TNFRSF14: variants seen among roughly 807,000 people sequenced by gnomAD.
TNFRSF14 encodes tumor necrosis factor receptor superfamily member 14.
Under a neutral mutation model 34.1 loss-of-function variants are expected in TNFRSF14, and 18 were observed. The ratio of observed to expected loss-of-function variants is 0.53; its 90% CI spans 0.36 to 0.78. TNFRSF14 has a LOEUF of 0.78. Ranked by LOEUF, TNFRSF14 falls within the 30% of genes least tolerant of loss-of-function variation. The pLI is 0.00. For missense variants in TNFRSF14, 352 were observed against 379.5 expected (o/e 0.93, Z 0.60); for synonymous variants, 157 against 153.2 (o/e 1.02, Z -0.18).
At position 2,563,480 on chromosome 1, in the gene TNFRSF14, C is replaced by T. The variant is rs1177198711; in HGVS notation, c.*207C>T. The T allele has an allele frequency of 2.7e-6, 2 of 737,526 alleles. No individual in the cohort carries two copies. The highest frequency in any genetic ancestry group is 4.0e-4 in the Middle Eastern group (1 of 2,502). 45.7% of individuals were successfully genotyped at this position (737,526 alleles called of 1,614,324 possible). The stretch of plus-strand genomic sequence containing the variant: ...GCCATTCCCATGGGCCAGTGAGGGC[C>T]TGGGGCCTCTGTTCTGCTGTGGCCT... On this transcript the variant is annotated 3_prime_UTR_variant, in exon 8 of 8. Transcript: ENST00000355716.
chr1:2,562,543 C>G (rs555374557), intron 6 of TNFRSF14: 19 of 517,888 alleles, frequency 3.7e-5, no homozygotes, highest in African/African-American at 3.3e-4. Flanking sequence ...TGGGCAGGGC[C>G]TCTCCACTGT....
At position 2,558,425 on chromosome 1, in the gene TNFRSF14, C is replaced by T; in HGVS notation, c.261C>T (p.Leu87=). Reference sequence around the variant, plus strand: ...CTCCAGGCACCTACATTGCCCACCTCAATGGCCTAAGCAAGTGTCTGCAGT... The same window carrying T: ...CTCCAGGCACCTACATTGCCCACCTTAATGGCCTAAGCAAGTGTCTGCAGT... ...PCPPGTYIAH[L]NGLSKCLQCQ... is the part of the protein sequence containing the mutation. Residue 87 remains leucine, a synonymous_variant, in exon 3 of 8, where the codon CTC becomes CTT. Transcript: ENST00000355716. The T allele has an allele frequency of 6.8e-6, 11 of 1,613,484 alleles. No individual in the cohort carries two copies. Among genetic ancestry groups the T allele is most frequent in the Non-Finnish European group, 8.5e-6 (10 of 1,179,872 alleles).
In TNFRSF14 at chr1:2,557,661, G is replaced by A. The variant is rs1268990664; in HGVS notation, c.70-65G>A. On this transcript the variant is annotated intron_variant, in intron 1 of 7. Coordinates refer to ENST00000355716, the MANE Select transcript of TNFRSF14 (RefSeq NM_003820.4). ...CACAGAGGGAGATTCAGGCTGTGGGGCCAAGCCTGGCAGAGCCCACAGGGC... is the reference window on the plus strand; with the variant it reads ...CACAGAGGGAGATTCAGGCTGTGGGACCAAGCCTGGCAGAGCCCACAGGGC... 7.0e-6 allele frequency: 9 copies of A among 1,288,152 alleles called. No homozygotes were observed. The Admixed American group carries it at 1.9e-4, about 27-fold the overall frequency. 79.8% of individuals were successfully genotyped at this position (1,288,152 alleles called of 1,614,324 possible).
intron 3 of TNFRSF14, 29 bp from the exon 4 acceptor site, chr1:2,559,794 C>T: frequency 1.3e-6 from 2 of 1,595,932 alleles, no homozygotes; most frequent in Non-Finnish European, 1.7e-6. Flanking sequence ...CTCCACGTAC[C>T]CCTCTCAGCC....
chr1:2,555,689 C>T (rs1295844763), upstream of TNFRSF14: 1 of 152,582 alleles, frequency 6.6e-6, no homozygotes, highest in East Asian at 1.9e-4. This position sits in a 1 kb window ranked among gnomAD's most constrained non-coding sequence, Gnocchi z 6.3. Context: ...ACCTGGGCTT[C>T]CATTGACTGC....
chr1:2,560,502 C>T, intron 4 of TNFRSF14, 122 bp from the exon 5 acceptor site: 1 of 682,526 alleles, frequency 1.5e-6, no homozygotes, highest in East Asian at 2.7e-5. Flanking sequence ...CCCCTCCCCG[C>T]TGGTCCTCCC....
chr1:2,560,701 C>T lies in TNFRSF14; in HGVS notation c.538C>T (p.Gln180Ter). Residue 180 changes from glutamine to a stop codon, truncating the protein, a stop_gained, in exon 5 of 8, where the codon CAG (glutamine) becomes TAG (stop). Coordinates refer to ENST00000355716, the MANE Select transcript of TNFRSF14 (RefSeq NM_003820.4). LOFTEE classifies it high-confidence loss of function. ...TCCCAATGGGACCCTGGAGGAATGTCAGCACCAGACCAAGTAAGTGAACCC... is the reference window on the plus strand; with the variant it reads ...TCCCAATGGGACCCTGGAGGAATGTTAGCACCAGACCAAGTAAGTGAACCC... The part of the protein sequence containing the change: ...FSPNGTLEEC[Q>*]HQTKCSWLVT... 4 of 1,613,392 alleles carry T rather than the reference C, an allele frequency of 2.5e-6. No homozygotes were observed. The highest frequency in any genetic ancestry group is 3.4e-6 in the Non-Finnish European group (4 of 1,179,920).
intron 6 of TNFRSF14, chr1:2,562,558 C>A (rs1222493687): frequency 1.8e-6 from 1 of 552,888 alleles, no homozygotes; most frequent in Admixed American, 3.3e-5. Context: ...CACTGTGAAG[C>A]GCTTGTTCCC....
At chr1:2,562,592 A>T in intron 6 of TNFRSF14, 1 of 586,864 alleles carries the variant, frequency 1.7e-6, no homozygotes, top group Non-Finnish European at 3.0e-6. Context: ...CGGTTGAATT[A>T]GGGTTAGTTA....
chr1:2,559,334 C>T (rs748684154), intron 3 of TNFRSF14: 1 of 1,371,696 alleles, frequency 7.3e-7, no homozygotes, highest in South Asian at 1.2e-5. Context: ...GGTGAGGCTG[C>T]CCTCAGGAGG....
chr1:2,556,148 C>A (rs753161842), upstream of TNFRSF14: 1 of 387,332 alleles, frequency 2.6e-6, no homozygotes, highest in African/African-American at 2.1e-5. Context: ...GGAAGTTTAC[C>A]CTGTTCAGCA....
upstream of TNFRSF14, chr1:2,556,296 C>T (rs1224387370): frequency 1.8e-6 from 1 of 571,160 alleles, no homozygotes; most frequent in Non-Finnish European, 3.3e-6. Flanking sequence ...GGGGGCTCCC[C>T]CTTCTACAGG....
At chr1:2,562,688 T>G (rs1644328054) in intron 6 of TNFRSF14, 177 bp from the exon 7 acceptor site, 2 of 823,956 alleles carry the variant, frequency 2.4e-6, no homozygotes, top group Non-Finnish European at 4.1e-6. Flanking sequence ...CAGGCTGGGC[T>G]AGCAGTCCCA....
rs745317372 is a variant in TNFRSF14, at chr1:2,558,844, G to C, written c.304+376G>C. 3.0e-6 allele frequency: 4 copies of C among 1,324,090 alleles called. No individual in the cohort carries two copies. The South Asian group carries it at 5.6e-5, about 19-fold the overall frequency. 82.0% of individuals were successfully genotyped at this position (1,324,090 alleles called of 1,614,324 possible). On this transcript the variant is annotated intron_variant, in intron 3 of 7. Coordinates refer to ENST00000355716, the MANE Select transcript of TNFRSF14 (RefSeq NM_003820.4). ...TCTCCGGCCGGCACTCGGGCCTGCT[G>C]CTTCCCCACAGGGCTTCTTGTCCCT... is the stretch of plus-strand genomic sequence containing the variant.
At chr1:2,558,646 C>T in intron 3 of TNFRSF14, 178 bp downstream of exon 3, 2 of 1,267,082 alleles carry the variant, frequency 1.6e-6, no homozygotes, top group Non-Finnish European at 2.2e-6. Flanking sequence ...AGCCTCCGGC[C>T]CCCGTCCACC....
At chr1:2,557,041 G>A in intron 1 of TNFRSF14, 1 of 393,994 alleles carries the variant, frequency 2.5e-6, no homozygotes, top group Non-Finnish European at 4.6e-6. Context: ...TGGGGGCTGG[G>A]TGTCTCTGGG....
At chr1:2,560,458 G>C in intron 4 of TNFRSF14, 166 bp from the exon 5 acceptor site, 1 of 596,078 alleles carries the variant, frequency 1.7e-6, no homozygotes, top group Non-Finnish European at 3.0e-6. Flanking sequence ...CACCACCCCA[G>C]GCCCCACCTC....
Position 2,560,695 on chromosome 1 carries a change from G to A in TNFRSF14, c.532G>A (p.Glu178Lys), listed in dbSNP as rs778111546. The change falls in exon 5 of 8, where the codon GAA becomes AAA. Residue 178 changes from glutamate (E) to lysine (K), a missense_variant. By Grantham distance (56) the Glu-to-Lys change is moderately conservative (BLOSUM62 1). Transcript: ENST00000355716. ...GTFSPNGTLE[E>K]CQHQTKCSWL... ...CTTCTCTCCCAATGGGACCCTGGAG[G>A]AATGTCAGCACCAGACCAAGTAAGT... 2.3e-5 allele frequency: 37 copies of A among 1,613,330 alleles called. No individual in the cohort carries two copies. In the South Asian group the frequency reaches 4.0e-4, roughly 17 times the overall value.
Position 2,561,445 on chromosome 1 carries a change from T to C in TNFRSF14, c.552-228T>C. ...CTGCCGTCCTGTCTCCTTTGCCCAG[T>C]CTCTCCTTGTTTCTCTTCTCCTCCT... On this transcript the variant is annotated intron_variant, in intron 5 of 7. Transcript: ENST00000355716. This position sits in a 1 kb window ranked among gnomAD's most constrained non-coding sequence, Gnocchi z 6.0. 6.8e-7 allele frequency: 1 copy of C among 1,471,816 alleles called. No homozygotes were observed. The highest frequency in any genetic ancestry group is 2.5e-5 in the Admixed American group (1 of 40,730). The allele number at this position is 1,471,816 out of a possible 1,614,324, so 91.2% of individuals were successfully genotyped here.
Sources: allele counts gnomAD v4.1 joint callset, GRCh38; gene constraint gnomAD v4.1.1; non-coding constraint Gnocchi (gnomAD v3.1); transcripts MANE v1.5; gene names NCBI Gene and HGNC (gene_info 2026-07-23, HGNC 2026-07-21).